TECPR1: variants seen among roughly 807,000 people sequenced by gnomAD.
TECPR1 encodes tectonin beta-propeller repeat-containing protein 1.
In TECPR1, 122 loss-of-function variants were observed where a neutral mutation model predicts 162.4. The observed-to-expected ratio is 0.75, with a 90% CI of 0.65 to 0.87. The LOEUF (loss-of-function observed/expected upper bound fraction) is 0.87, where lower values mean the gene tolerates loss of function less well. Among genes scored for constraint, TECPR1 ranks in the 40% least tolerant of loss-of-function variants. The pLI, the probability that TECPR1 is intolerant of heterozygous loss-of-function variation, is 0.00. For synonymous variants in TECPR1, 642 were observed against 670.6 expected (o/e 0.96, Z 0.66); for missense variants, 1,432 against 1,618.2 (o/e 0.88, Z 1.97).
chr7:98,238,592 C>T lies in TECPR1; in HGVS notation c.952G>A (p.Val318Ile), dbSNP rs773928877. Residue 318 changes from valine (V) to isoleucine (I), a missense_variant, in exon 9 of 26, where the codon GTC becomes ATC. By Grantham distance (29) the Val-to-Ile change is conservative. Transcript: ENST00000447648. ...GTGCCGCAGGGATTGTGAGAGTTGA[C>T]GCCTCTTCGGAACCACACCTGGGGG... ...KDWKVWFRRG[V>I]NSHNPCGTSW... The T allele has an allele frequency of 2.3e-5, 36 of 1,568,738 alleles. No homozygotes were observed. Among genetic ancestry groups the T allele is most frequent in the Admixed American group, 1.1e-4 (6 of 53,110 alleles).
chr7:98,239,541 C>T (rs1379582827), intron 8 of TECPR1, among the ~76,000 whole-genome samples: 1 of 151,966 alleles, frequency 6.6e-6, no homozygotes, highest in Admixed American at 6.6e-5. Context: ...GGTGACGGAA[C>T]GAGACTCTGT....
chr7:98,239,337 G>C (rs1045535685), intron 8 of TECPR1, among the ~76,000 whole-genome samples: 4 of 152,006 alleles, frequency 2.6e-5, no homozygotes, highest in African/African-American at 9.6e-5. Context: ...GATCACCTGC[G>C]GTCAGGAGTT....
chr7:98,218,109 G>T, intron 23 of TECPR1, 67 bp from the exon 24 acceptor site: 1 of 1,336,936 alleles, frequency 7.5e-7, no homozygotes, highest in Non-Finnish European at 1.0e-6. Flanking sequence ...GTGCGGCCCG[G>T]CAGCCGGTGG....
intron 15 of TECPR1, among the ~76,000 whole-genome samples, chr7:98,229,736 T>C (rs888110391): frequency 1.3e-5 from 2 of 152,186 alleles, no homozygotes; most frequent in African/African-American, 4.8e-5. Context: ...TCACTGTCAC[T>C]GTCACCAGAG....
rs1798327616 is a variant in TECPR1 at position 98,228,175 on chromosome 7, C to T, written c.2411-59G>A. The T allele has an allele frequency of 1.3e-5, 17 of 1,339,388 alleles. No homozygotes were observed. In the South Asian group the frequency reaches 2.0e-4, roughly 16 times the overall value. 83.0% of individuals were successfully genotyped at this position (1,339,388 alleles called of 1,614,324 possible). The stretch of plus-strand genomic sequence containing the variant: ...ACATACGCTCCGCTTGGGACTCTGG[C>T]TTTCCGTCTGAAGCACAGATTCCCA... On this transcript the variant is annotated intron_variant, in intron 16 of 25. Transcript: ENST00000447648.
At position 98,241,028 on chromosome 7, in the gene TECPR1, C is replaced by T. The variant is rs1276105842; in HGVS notation, c.832+42G>A. ...GGGAGCGAGTGACCCTCACCCTTCTCCCCAGTACAGGGTATGTGGGTGGGG... is the reference window on the plus strand; with the variant it reads ...GGGAGCGAGTGACCCTCACCCTTCTTCCCAGTACAGGGTATGTGGGTGGGG... On this transcript the variant is annotated intron_variant, in intron 7 of 25. Transcript: ENST00000447648. The surrounding 1 kb of genome is among the most constrained non-coding windows in gnomAD (Gnocchi z 5.0). 1 of 1,589,856 alleles carries T rather than the reference C, an allele frequency of 6.3e-7. No homozygotes were observed. The highest frequency in any genetic ancestry group is 1.3e-5 in the African/African-American group (1 of 74,444).
Position 98,217,353 on chromosome 7 carries a change from T to C in TECPR1, c.*37A>G. ...ATGGCTCAGCCTTGATCCCCCAAAC[T>C]GGGCACCGTCCCTGCATGTAGGTGT... is the stretch of plus-strand genomic sequence containing the variant. On this transcript the variant is annotated 3_prime_UTR_variant, in exon 26 of 26. Coordinates refer to ENST00000447648, the MANE Select transcript of TECPR1 (RefSeq NM_015395.3). 7.6e-7 allele frequency: 1 copy of C among 1,322,078 alleles called. No individual in the cohort carries two copies. The highest frequency in any genetic ancestry group is 1.0e-6 in the Non-Finnish European group (1 of 959,764). 81.9% of individuals were successfully genotyped at this position (1,322,078 alleles called of 1,614,324 possible). A position where few individuals can be genotyped will look rare whatever the true frequency, so the allele number is the denominator to read the frequency against.
At chr7:98,234,520 A>C (rs1475155438) in intron 10 of TECPR1, among the ~76,000 whole-genome samples, 2 of 152,068 alleles carry the variant, frequency 1.3e-5, no homozygotes, top group African/African-American at 4.8e-5. Context: ...AATGGACTAA[A>C]ACGCGTTTTC....
chr7:98,217,961 C>T lies in TECPR1; in HGVS notation c.3239G>A (p.Arg1080Gln), dbSNP rs528019491. ...CTGGTCCAGGGGCCCCACGGACACT[C>T]GGCACACGTTGTTGGACACGTGCTC... is the stretch of plus-strand genomic sequence containing the variant. ...SWEHVSNNVC[R>Q]VSVGPLDQVW... is the part of the protein sequence containing the mutation. The change falls in exon 24 of 26, where the codon CGA becomes CAA. Residue 1080 changes from arginine to glutamine, a missense_variant. Physicochemically the swap from Arg to Gln is conservative, Grantham distance 43. Transcript: ENST00000447648. 1.1e-4 allele frequency: 169 copies of T among 1,558,860 alleles called. No individual in the cohort carries two copies. Among genetic ancestry groups the T allele is most frequent in the Non-Finnish European group, 1.3e-4 (152 of 1,151,696 alleles).
At chr7:98,233,335 C>A in intron 11 of TECPR1, 86 bp downstream of exon 11, 1 of 1,368,998 alleles carries the variant, frequency 7.3e-7, no homozygotes, top group Non-Finnish European at 9.5e-7. Context: ...CCTGCCCGAG[C>A]CCCCTGACCC....
chr7:98,230,379 C>G (rs933776022), intron 15 of TECPR1, among the ~76,000 whole-genome samples: 9 of 151,870 alleles, frequency 5.9e-5, no homozygotes, highest in African/African-American at 2.2e-4. Context: ...GCCCTCACCC[C>G]ACTCCAGCCT....
intron 11 of TECPR1, chr7:98,233,182 G>A: frequency 3.8e-6 from 3 of 782,242 alleles, no homozygotes; most frequent in Non-Finnish European, 5.7e-6. Context: ...GCACAGGGGA[G>A]GGGCTGCAGA....
Position 98,217,284 on chromosome 7 carries a change from C to T in TECPR1, c.*106G>A, listed in dbSNP as rs1798034411. The T allele has an allele frequency of 5.2e-6, 4 of 771,580 alleles. No homozygotes were observed. The East Asian group carries it at 8.2e-5, about 16-fold the overall frequency. 47.8% of individuals were successfully genotyped at this position (771,580 alleles called of 1,614,324 possible). On this transcript the variant is annotated 3_prime_UTR_variant, in exon 26 of 26. Transcript: ENST00000447648. Reference sequence around the variant, plus strand: ...TTGGGGCCAGGTTCCCTCCTGAGTCCACCTGGGCCACATTGCTCCCACGGT... The same window carrying T: ...TTGGGGCCAGGTTCCCTCCTGAGTCTACCTGGGCCACATTGCTCCCACGGT...
chr7:98,238,445 G>A, intron 9 of TECPR1, 64 bp downstream of exon 9: 2 of 1,339,620 alleles, frequency 1.5e-6, no homozygotes, highest in Non-Finnish European at 2.1e-6. Flanking sequence ...AGGCTATTGG[G>A]TGGCATCAGG....
rs775182881 is a variant in TECPR1 at position 98,233,629 on chromosome 7, G to T, written c.1464C>A (p.Thr488=). 3.2e-6 allele frequency: 5 copies of T among 1,585,084 alleles called. No individual in the cohort carries two copies. The highest frequency in any genetic ancestry group is 4.3e-6 in the Non-Finnish European group (5 of 1,165,082). Residue 488 remains threonine, a synonymous_variant, in exon 11 of 26, where the codon ACC becomes ACA. Coordinates refer to ENST00000447648, the MANE Select transcript of TECPR1 (RefSeq NM_015395.3). ...TCTTGGCCTCCTTGAGGTCAATATTGGTCCAGGGCAGCTCGGCCGGGGTGG... is the reference window on the plus strand; with the variant it reads ...TCTTGGCCTCCTTGAGGTCAATATTTGTCCAGGGCAGCTCGGCCGGGGTGG... ...PAPTPAELPW[T]NIDLKEAKKV... is the part of the protein sequence containing the mutation.
chr7:98,218,398 G>C (rs886646573), intron 23 of TECPR1, among the ~76,000 whole-genome samples: 1 of 152,180 alleles, frequency 6.6e-6, no homozygotes, highest in East Asian at 1.9e-4. Context: ...AAGAAAGAAA[G>C]GGCATCCAAA....
chr7:98,234,705 C>CTTTTTTT (rs34332931), intron 10 of TECPR1, among the ~76,000 whole-genome samples: 8 of 73,504 alleles, frequency 1.1e-4, no homozygotes, highest in African/African-American at 2.2e-4. Context: ...TTGTTATTGT[C>CTTTTTTT]TTTTTTTTTT....
chr7:98,233,480 G>T lies in TECPR1; in HGVS notation c.1613C>A (p.Ser538Ter). Residue 538 changes from serine to a stop codon, truncating the protein, a stop_gained, in exon 11 of 26, where the codon TCG (serine) becomes TAG (stop). Coordinates refer to ENST00000447648, the MANE Select transcript of TECPR1 (RefSeq NM_015395.3). LOFTEE classifies it high-confidence loss of function. ...TGCCTCCACCACGCAGCCGCCTCCC[G>T]ACACCCAGGCCCACAGCGGGTGGTC... ...VDDHPLWAWV[S>*]GGGCVVEACA... is the part of the protein sequence containing the mutation. 1 of 1,487,690 alleles carries T rather than the reference G, an allele frequency of 6.7e-7. No homozygotes were observed. The highest frequency in any genetic ancestry group is 8.9e-7 in the Non-Finnish European group (1 of 1,121,206). The allele number at this position is 1,487,690 out of a possible 1,614,324, so 92.2% of individuals were successfully genotyped here.
Position 98,229,142 on chromosome 7 carries a change from G to A in TECPR1, c.2307C>T (p.His769=). ...GGCTGTTGGCCTCCACCATCCGCAG[G>A]TGGCCTCCCATCTGCCGCCAAAACC... ...DQMFWRQMGG[H]LRMVEANSRG... Residue 769 remains histidine (H), a synonymous_variant, in exon 16 of 26, where the codon CAC becomes CAT. Transcript: ENST00000447648. 1.3e-6 allele frequency: 2 copies of A among 1,563,272 alleles called. No individual in the cohort carries two copies. The highest frequency in any genetic ancestry group is 2.4e-5 in the South Asian group (2 of 84,786).
Sources: allele counts gnomAD v4.1 joint callset (sites outside exome capture counted in the v4.1 genomes callset), GRCh38; gene constraint gnomAD v4.1.1; non-coding constraint Gnocchi (gnomAD v3.1); transcripts MANE v1.5; gene names NCBI Gene and HGNC (gene_info 2026-07-23, HGNC 2026-07-21).